SNX24: variants seen among roughly 807,000 people sequenced by gnomAD.
SNX24 encodes sorting nexin-24.
In SNX24, 22 loss-of-function variants were observed where a neutral mutation model predicts 28.7. The ratio of observed to expected loss-of-function variants is 0.77; its 90% CI spans 0.55 to 1.10. The LOEUF (loss-of-function observed/expected upper bound fraction) is 1.10, where lower values mean the gene tolerates loss of function less well. SNX24 is among the 50% of genes least tolerant of loss of function. The pLI is 0.00. For missense variants in SNX24, 221 were observed against 201.1 expected (o/e 1.10, Z -0.60); for synonymous variants, 69 against 71.5 (o/e 0.96, Z 0.18).
intron 1 of SNX24, among the ~76,000 whole-genome samples, chr5:122,855,065 C>G (rs1018930760): frequency 3.3e-5 from 5 of 151,400 alleles, no homozygotes; most frequent in Admixed American, 1.3e-4. Context: ...GTGCCAATTT[C>G]TTTTCCTTTT....
At position 123,007,636 on chromosome 5, in the gene SNX24, A is replaced by AAAGC. The variant is rs886538040; in HGVS notation, c.443-44_443-41dup. 5.9e-6 allele frequency: 9 copies of AAAGC among 1,515,466 alleles called. No homozygotes were observed. In the African/African-American group the frequency reaches 9.9e-5, roughly 17 times the overall value. 93.9% of individuals were successfully genotyped at this position (1,515,466 alleles called of 1,614,324 possible). Reference sequence around the variant, plus strand: ...CAATTATATTTTGTTTCACATAAGAAAAGCAGTTTTTCTTTTTTTTTTCTT... The same window carrying AAAGC: ...CAATTATATTTTGTTTCACATAAGAAAAGCAAGCAGTTTTTCTTTTTTTTTTCTT... On this transcript the variant is annotated intron_variant, in intron 6 of 6. Coordinates refer to ENST00000261369, the MANE Select transcript of SNX24 (RefSeq NM_014035.4).
chr5:123,018,162 G>C (rs1762712454), intron 5 of SNX24, among the ~76,000 whole-genome samples: 1 of 151,966 alleles, frequency 6.6e-6, no homozygotes, highest in East Asian at 2.0e-4. Flanking sequence ...GGCAAGCAGA[G>C]AGCACCTCAC....
intron 5 of SNX24, among the ~76,000 whole-genome samples, chr5:123,020,360 AT>A (rs1385635581): frequency 6.6e-6 from 1 of 152,222 alleles, no homozygotes; most frequent in Admixed American, 6.5e-5. Flanking sequence ...GTGAATTTGC[AT>A]TTTGTTGTAT....
intron 3 of SNX24, among the ~76,000 whole-genome samples, chr5:122,984,877 G>T (rs972432119): frequency 1.3e-5 from 2 of 152,050 alleles, no homozygotes; most frequent in Non-Finnish European, 2.9e-5. Context: ...TTTTTAGCCT[G>T]CTTTTTTCCT....
intron 1 of SNX24, among the ~76,000 whole-genome samples, chr5:122,935,623 T>C (rs777837231): frequency 7.9e-5 from 12 of 152,252 alleles, no homozygotes; most frequent in Admixed American, 3.3e-4. Flanking sequence ...ACAGATTTTA[T>C]GTTTCTGGAT....
chr5:122,877,638 G>A (rs1756291797), intron 1 of SNX24, among the ~76,000 whole-genome samples: 1 of 152,180 alleles, frequency 6.6e-6, no homozygotes, highest in Non-Finnish European at 1.5e-5. Context: ...CCAGCTTCAG[G>A]AGGACCGGGG....
At chr5:123,025,010 C>T (rs1419555831) in intron 5 of SNX24, among the ~76,000 whole-genome samples, 3 of 152,082 alleles carry the variant, frequency 2.0e-5, no homozygotes, top group Admixed American at 6.6e-5. Flanking sequence ...TCTTTGAGAC[C>T]CAACAGTATA....
At chr5:122,932,888 T>C in intron 1 of SNX24, among the ~76,000 whole-genome samples, 2 of 146,506 alleles carry the variant, frequency 1.4e-5, no homozygotes, top group Non-Finnish European at 3.1e-5. Flanking sequence ...AAAAAAATTC[T>C]CATTTTATGC....
chr5:122,938,344 T>C (rs1436339078), intron 2 of SNX24, among the ~76,000 whole-genome samples: 1 of 152,220 alleles, frequency 6.6e-6, no homozygotes, highest in Non-Finnish European at 1.5e-5. Context: ...GGATTCTCTC[T>C]TCTCTCAGTT....
chr5:122,993,716 T>C (rs1002813912), intron 3 of SNX24, among the ~76,000 whole-genome samples: 2 of 152,202 alleles, frequency 1.3e-5, no homozygotes, highest in Non-Finnish European at 2.9e-5. Context: ...AAAGCCTCTG[T>C]GAGCTCTTAG....
In SNX24 at chr5:122,985,585, A is replaced by T. The variant is rs1425243900; in HGVS notation, c.250-14327A>T. Among the ~76,000 whole-genome samples the T allele has an allele frequency of 2.0e-5, 3 of 152,212 alleles. No homozygotes were observed. In the East Asian group the frequency reaches 5.8e-4, roughly 29 times the overall value. The stretch of plus-strand genomic sequence containing the variant: ...TAGCAAGCCATAAAACGTTATGAAG[A>T]TATTAGATGTTATTATTGTTTCCTC... On this transcript the variant is annotated intron_variant, in intron 3 of 6. Transcript: ENST00000261369.
chr5:122,954,159 A>G (rs556686406), intron 3 of SNX24, among the ~76,000 whole-genome samples: 210 of 149,598 alleles, frequency 1.4e-3, no homozygotes, highest in African/African-American at 5.0e-3. Flanking sequence ...GAAAATGTGT[A>G]TTCTTAAATT....
chr5:122,966,075 CA>C (rs887500127), intron 3 of SNX24, among the ~76,000 whole-genome samples: 38 of 152,008 alleles, frequency 2.5e-4, no homozygotes, highest in African/African-American at 9.2e-4. Flanking sequence ...TTTTTAGTGC[CA>C]AAAACTGTTT....
intron 1 of SNX24, among the ~76,000 whole-genome samples, chr5:122,874,300 C>G (rs1027989959): frequency 6.6e-6 from 1 of 152,186 alleles, no homozygotes; most frequent in African/African-American, 2.4e-5. Flanking sequence ...AAATGCCTAC[C>G]TCAGATTACG....
chr5:122,870,712 G>T (rs80162053), intron 1 of SNX24, among the ~76,000 whole-genome samples: 2,010 of 152,284 alleles, frequency 0.013, 39 homozygotes, highest in African/African-American at 0.046. Context: ...TTGTAAGCGG[G>T]CATGCACGTG....
chr5:122,855,452 T>A (rs1458927945), intron 1 of SNX24, among the ~76,000 whole-genome samples: 1 of 152,184 alleles, frequency 6.6e-6, no homozygotes, highest in Non-Finnish European at 1.5e-5. Flanking sequence ...GTGATGCTGT[T>A]TGATAGTATT....
chr5:122,884,977 T>C (rs557859253), intron 1 of SNX24, among the ~76,000 whole-genome samples: 1 of 152,214 alleles, frequency 6.6e-6, no homozygotes, highest in Admixed American at 6.5e-5. Flanking sequence ...TAGGGACCCG[T>C]TGGCCATTTC....
At chr5:122,923,814 G>T (rs539003950) in intron 1 of SNX24, among the ~76,000 whole-genome samples, 1 of 152,110 alleles carries the variant, frequency 6.6e-6, no homozygotes, top group Non-Finnish European at 1.5e-5. Flanking sequence ...AAGAAAATTC[G>T]CATCCACCCG....
At chr5:122,897,463 A>G (rs1205085128) in intron 1 of SNX24, among the ~76,000 whole-genome samples, 3 of 152,210 alleles carry the variant, frequency 2.0e-5, no homozygotes, top group African/African-American at 4.8e-5. Flanking sequence ...AAGACAGCAT[A>G]TAGACTAACA....
Sources: allele counts gnomAD v4.1 joint callset (sites outside exome capture counted in the v4.1 genomes callset), GRCh38; gene constraint gnomAD v4.1.1; transcripts MANE v1.5; gene names NCBI Gene and HGNC (gene_info 2026-07-23, HGNC 2026-07-21).